Variants in GPHN observed in about 807,000 individuals in gnomAD.
The protein encoded by GPHN is gephyrin.
In GPHN, 17 loss-of-function variants were observed where a neutral mutation model predicts 95.5. The observed-to-expected ratio is 0.18, with a 90% CI of 0.12 to 0.27. The LOEUF (loss-of-function observed/expected upper bound fraction) is 0.27. Ranked by LOEUF, GPHN falls within the 10% of genes least tolerant of loss-of-function variation. The pLI is 1.00. For missense variants in GPHN, 660 were observed against 978.1 expected (o/e 0.67, Z 4.34); for synonymous variants, 320 against 322.5 (o/e 0.99, Z 0.08).
At chr14:67,388,714 CTG>C in the GPHN span, among the ~76,000 whole-genome samples, 1 of 152,114 alleles carries the variant, frequency 6.6e-6, no homozygotes, top group African/African-American at 2.4e-5. Context: ...GAGTCTCACT[CTG>C]TCTTTCAGGC....
intron 3 of GPHN, among the ~76,000 whole-genome samples, chr14:66,794,335 C>T (rs1012263613): frequency 8.5e-5 from 13 of 152,170 alleles, no homozygotes; most frequent in Middle Eastern, 6.8e-3. Context: ...CCATGTAAGA[C>T]GTGTCTTCTG....
the GPHN span, chr14:67,651,769 G>C: frequency 1.1e-5 from 3 of 267,514 alleles, no homozygotes; most frequent in Non-Finnish European, 2.2e-5. Context: ...TTTCTAGAAA[G>C]AAGGGTTAGC....
the GPHN span, among the ~76,000 whole-genome samples, chr14:67,451,930 G>A: frequency 6.6e-6 from 1 of 152,238 alleles, no homozygotes; most frequent in Non-Finnish European, 1.5e-5. Context: ...TAATTCCCGT[G>A]TGTTGTGGGA....
chr14:67,501,414 G>C, the GPHN span, among the ~76,000 whole-genome samples: 1 of 152,046 alleles, frequency 6.6e-6, no homozygotes, highest in Non-Finnish European at 1.5e-5. Context: ...GGCCAGGCTG[G>C]AGTGCAGTGG....
chr14:67,383,301 C>T, the GPHN span: 2 of 1,611,702 alleles, frequency 1.2e-6, no homozygotes, highest in South Asian at 1.1e-5. Flanking sequence ...GAAATTATAC[C>T]TCTGCTTCCA....
intron 2 of GPHN, among the ~76,000 whole-genome samples, chr14:66,735,085 A>G (rs886690518): frequency 5.3e-5 from 8 of 152,170 alleles, no homozygotes; most frequent in African/African-American, 1.9e-4. Context: ...ATGAAAACCA[A>G]CAAGTCTTAG....
chr14:67,225,960 T>TGTGTGTGTGTGC, the GPHN span, among the ~76,000 whole-genome samples: 1 of 119,756 alleles, frequency 8.4e-6, no homozygotes, highest in Non-Finnish European at 1.6e-5. Context: ...TGTGTGTGTG[T>TGTGTGTGTGTGC]GTGCGCGCGC....
intron 1 of GPHN, among the ~76,000 whole-genome samples, chr14:66,629,340 A>G (rs1430097791): frequency 6.6e-6 from 1 of 151,382 alleles, no homozygotes; most frequent in Non-Finnish European, 1.5e-5. Flanking sequence ...AGACACAAAC[A>G]TTCATTAGTC....
At chr14:66,913,091 C>T (rs1487473234) in intron 5 of GPHN, among the ~76,000 whole-genome samples, 1 of 152,116 alleles carries the variant, frequency 6.6e-6, no homozygotes, top group Non-Finnish European at 1.5e-5. Flanking sequence ...GACATTTTGC[C>T]TTTCCAACAA....
At chr14:67,197,078 A>C in the GPHN span, 1 of 152,032 alleles carries the variant, frequency 6.6e-6, no homozygotes. Context: ...ATAGGCATGC[A>C]CCACCACACC....
At chr14:67,279,664 C>A in the GPHN span, 2 of 949,830 alleles carry the variant, frequency 2.1e-6, no homozygotes, top group Non-Finnish European at 3.0e-6. Context: ...AGACCAAGAT[C>A]CTTTGTTTTC....
At position 67,149,804 on chromosome 14, in the gene GPHN, G is replaced by A. The variant is rs373321234; in HGVS notation, c.1836+6355G>A. Among the ~76,000 whole-genome samples, 135 of 152,168 alleles carry A rather than the reference G, an allele frequency of 8.9e-4. 4 individuals are homozygous for A. In the South Asian group the frequency reaches 0.026, roughly 30 times the overall value. ...CACAAAGAACACAACTTTCTACTGC[G>A]GGACACATCCCTTTTACACCTTAGT... is the stretch of plus-strand genomic sequence containing the variant. On this transcript the variant is annotated intron_variant, in intron 18 of 22. Coordinates refer to ENST00000478722, the MANE Select transcript of GPHN (RefSeq NM_020806.5).
the GPHN span, chr14:67,570,730 T>G: frequency 2.0e-5 from 3 of 152,208 alleles, no homozygotes; most frequent in Non-Finnish European, 4.4e-5. Flanking sequence ...TACCTCCTCC[T>G]TTTTATTTTT....
the GPHN span, chr14:67,685,257 T>C: frequency 8.1e-6 from 12 of 1,478,470 alleles, no homozygotes; most frequent in Non-Finnish European, 1.1e-5. Context: ...TTTTGCAGAA[T>C]AGCCCAAAAC....
intron 1 of GPHN, among the ~76,000 whole-genome samples, chr14:66,629,221 A>T (rs559914116): frequency 2.8e-5 from 4 of 144,544 alleles, no homozygotes; most frequent in African/African-American, 5.1e-5. Flanking sequence ...ATATACATAT[A>T]TAAATATGTA....
chr14:66,703,057 C>T (rs762682084), intron 2 of GPHN, among the ~76,000 whole-genome samples: 2 of 151,916 alleles, frequency 1.3e-5, no homozygotes, highest in Admixed American at 6.6e-5. Context: ...TTGAAGACCA[C>T]GTTGCTGAAA....
chr14:67,343,495 T>G, the GPHN span: 1 of 1,197,924 alleles, frequency 8.3e-7, no homozygotes, highest in South Asian at 1.2e-5. Context: ...CATTCCCTGA[T>G]CACTTGACTC....
At chr14:67,559,128 A>G in the GPHN span, among the ~76,000 whole-genome samples, 1 of 152,206 alleles carries the variant, frequency 6.6e-6, no homozygotes, top group African/African-American at 2.4e-5. Flanking sequence ...TCAGATGCCA[A>G]CCTTTTCAAT....
chr14:67,190,593 T>A, the GPHN span, among the ~76,000 whole-genome samples: 1 of 152,192 alleles, frequency 6.6e-6, no homozygotes, highest in Non-Finnish European at 1.5e-5. Flanking sequence ...TCTCAAAGAC[T>A]GAGAATTGAG....
Sources: gnomAD v4.1 joint callset for allele counts (sites outside exome capture counted in the v4.1 genomes callset) on GRCh38, gnomAD v4.1.1 for gene constraint, MANE v1.5 for transcripts, NCBI Gene and HGNC (gene_info 2026-07-23, HGNC 2026-07-21) for gene names.